The following DZANK1 variants were observed in gnomAD, a reference collection of about 807,000 sequenced individuals.
The protein encoded by DZANK1 is double zinc ribbon and ankyrin repeat domains 1, also known as double zinc ribbon and ankyrin repeat-containing protein 1.
Under a neutral mutation model 94.5 loss-of-function variants are expected in DZANK1, and 91 were observed. That is an observed-to-expected ratio of 0.96 (90% CI 0.81 to 1.15). The LOEUF is 1.15. DZANK1 is among the 50% of genes most tolerant of loss of function. The pLI is 0.00. For missense variants in DZANK1, 903 were observed against 916.4 expected (o/e 0.99, Z 0.19); for synonymous variants, 312 against 325.3 (o/e 0.96, Z 0.44).
intron 3 of DZANK1, among the ~76,000 whole-genome samples, chr20:18,456,269 T>G (rs2059285500): frequency 1.3e-5 from 2 of 152,230 alleles, no homozygotes; most frequent in Admixed American, 1.3e-4. Flanking sequence ...TTCCATTCAT[T>G]CATAATATTT....
exon 7 of DZANK1, chr20:18,449,019 C>T: frequency 6.2e-7 from 1 of 1,613,820 alleles, no homozygotes; most frequent in Non-Finnish European, 8.5e-7. Flanking sequence ...TTCTCATTAT[C>T]TCCGTGCTTG....
chr20:18,454,324 G>A (rs1601150865), intron 4 of DZANK1: 1 of 298,442 alleles, frequency 3.4e-6, no homozygotes, highest in East Asian at 8.4e-5. Context: ...CCCCTGCCCA[G>A]TGTAGATCCT....
chr20:18,455,270 C>A (rs2059245830), exon 4 of DZANK1: 1 of 1,605,442 alleles, frequency 6.2e-7, no homozygotes, highest in Admixed American at 1.7e-5. Flanking sequence ...TCTTTGAGAA[C>A]ATTTTCAACA....
At chr20:18,460,430 G>A (rs2059435669) in intron 2 of DZANK1, 124 bp from the exon 3 acceptor site, 1 of 809,988 alleles carries the variant, frequency 1.2e-6, no homozygotes, top group Admixed American at 3.3e-5. Context: ...TTTAAGTTAA[G>A]ATTTAAAGTT....
chr20:18,450,638 T>C (rs1479274982), intron 6 of DZANK1, among the ~76,000 whole-genome samples: 7 of 152,224 alleles, frequency 4.6e-5, no homozygotes, highest in African/African-American at 2.4e-5. Flanking sequence ...GATTCTGATA[T>C]GCAACTGGGT....
chr20:18,404,968 A>T (rs1261541688), intron 13 of DZANK1, among the ~76,000 whole-genome samples: 1 of 151,792 alleles, frequency 6.6e-6, no homozygotes, highest in African/African-American at 2.4e-5. Flanking sequence ...CTGAGGTGGG[A>T]GGATTGCTTG....
intron 7 of DZANK1, among the ~76,000 whole-genome samples, chr20:18,444,865 ATCTGGAC>A: frequency 6.6e-6 from 1 of 152,056 alleles, no homozygotes; most frequent in Non-Finnish European, 1.5e-5. Context: ...CAGTGGCATG[ATCTGGAC>A]TCACTGCAAG....
chr20:18,423,232 A>G (rs1177333955), intron 10 of DZANK1, among the ~76,000 whole-genome samples: 1 of 152,246 alleles, frequency 6.6e-6, no homozygotes, highest in Non-Finnish European at 1.5e-5. Flanking sequence ...AGTACTGTAC[A>G]TGCCATGATG....
chr20:18,424,168 G>A (rs977187721), intron 10 of DZANK1, among the ~76,000 whole-genome samples: 4 of 152,170 alleles, frequency 2.6e-5, no homozygotes, highest in Non-Finnish European at 4.4e-5. Context: ...TGGTGATACC[G>A]GCCGGGCGCG....
chr20:18,461,144 C>T (rs1407054809), intron 2 of DZANK1, among the ~76,000 whole-genome samples: 1 of 152,226 alleles, frequency 6.6e-6, no homozygotes, highest in Non-Finnish European at 1.5e-5. Context: ...ACGACACCAG[C>T]TTCCCAGAGG....
intron 1 of DZANK1, chr20:18,466,770 C>A (rs558776153): frequency 6.6e-6 from 1 of 152,328 alleles, no homozygotes; most frequent in Non-Finnish European, 1.5e-5. Flanking sequence ...ATCCCCAGAC[C>A]CCTCAACTCT....
chr20:18,447,082 ATT>A (rs1204606168), intron 7 of DZANK1, among the ~76,000 whole-genome samples: 1 of 152,220 alleles, frequency 6.6e-6, no homozygotes, highest in Non-Finnish European at 1.5e-5. Context: ...GAAAAACTAA[ATT>A]ATCCTCTCAA....
At chr20:18,453,946 G>A in intron 4 of DZANK1, 119 bp from the exon 5 acceptor site, 1 of 798,002 alleles carries the variant, frequency 1.3e-6, no homozygotes, top group Non-Finnish European at 2.2e-6. Flanking sequence ...ATGGTCATTT[G>A]TACAAAGTGA....
intron 7 of DZANK1, among the ~76,000 whole-genome samples, chr20:18,443,795 T>C (rs187943854): frequency 3.2e-4 from 48 of 152,296 alleles, no homozygotes; most frequent in African/African-American, 1.1e-3. Flanking sequence ...ATTTGATGTG[T>C]ATGAGGGTGA....
At chr20:18,415,566 T>A in intron 10 of DZANK1, 117 bp from the exon 11 acceptor site, 1 of 1,106,672 alleles carries the variant, frequency 9.0e-7, no homozygotes, top group South Asian at 4.6e-5. Flanking sequence ...TAGTGTTTTT[T>A]TTGTTTTGTT....
chr20:18,414,750 T>G (rs1168793403), intron 11 of DZANK1, among the ~76,000 whole-genome samples: 1 of 152,160 alleles, frequency 6.6e-6, no homozygotes, highest in Non-Finnish European at 1.5e-5. Context: ...ATAGGGATGG[T>G]CTAAATATAA....
At chr20:18,433,254 C>T in intron 9 of DZANK1, 1 of 212,604 alleles carries the variant, frequency 4.7e-6, no homozygotes, top group South Asian at 7.5e-5. Flanking sequence ...CAATTGTTAC[C>T]CCATCCTGGC....
chr20:18,403,520 C>T (rs572565525), intron 13 of DZANK1, among the ~76,000 whole-genome samples: 1 of 152,250 alleles, frequency 6.6e-6, no homozygotes, highest in Admixed American at 6.5e-5. Flanking sequence ...AAGCCTAAGG[C>T]TGCTTTCAAA....
At chr20:18,442,437 T>G (rs1053289699) in intron 8 of DZANK1, among the ~76,000 whole-genome samples, 3 of 152,244 alleles carry the variant, frequency 2.0e-5, no homozygotes, top group African/African-American at 7.2e-5. Flanking sequence ...TGTTATAGTC[T>G]GTTTTTATTT....
Sources: gnomAD v4.1 joint callset for allele counts (sites outside exome capture counted in the v4.1 genomes callset) on GRCh38, gnomAD v4.1.1 for gene constraint, MANE v1.5 for transcripts, NCBI Gene and HGNC (gene_info 2026-07-23, HGNC 2026-07-21) for gene names.